GMDS: variants seen among roughly 807,000 people sequenced by gnomAD.
GMDS encodes GDP-mannose 4,6-dehydratase.
GMDS carries 20 observed loss-of-function variants against 49.9 expected under a neutral mutation model. The ratio of observed to expected loss-of-function variants is 0.40; its 90% confidence interval spans 0.28 to 0.58. The LOEUF (loss-of-function observed/expected upper bound fraction) is 0.58, where lower values mean the gene tolerates loss of function less well. Among genes scored for constraint, GMDS ranks in the 20% least tolerant of loss-of-function variants. The pLI is 0.42. For synonymous variants in GMDS, 177 were observed against 178.6 expected (o/e 0.99, Z 0.07); for missense variants, 362 against 481.4 (o/e 0.75, Z 2.32).
At chr6:1,719,360 G>T (rs146635635) in intron 9 of GMDS, among the ~76,000 whole-genome samples, 1 of 152,168 alleles carries the variant, frequency 6.6e-6, no homozygotes, top group South Asian at 2.1e-4. Flanking sequence ...CAGAGCCCAC[G>T]GTAGATGGGC....
intron 4 of GMDS, among the ~76,000 whole-genome samples, chr6:1,981,276 A>G (rs908207592): frequency 6.6e-6 from 1 of 152,096 alleles, no homozygotes; most frequent in African/African-American, 2.4e-5. Flanking sequence ...AATTAATAAA[A>G]TAGACTGCTA....
intron 1 of GMDS, among the ~76,000 whole-genome samples, chr6:2,223,773 T>C (rs1411965525): frequency 6.6e-6 from 1 of 152,158 alleles, no homozygotes; most frequent in Non-Finnish European, 1.5e-5. Context: ...AGGAGATGTC[T>C]ATGAAATACC....
chr6:1,878,052 G>T (rs1347020383), intron 7 of GMDS, among the ~76,000 whole-genome samples: 1 of 152,064 alleles, frequency 6.6e-6, no homozygotes, highest in South Asian at 2.1e-4. Context: ...GGTGGCTCAC[G>T]CCTGTCATCC....
chr6:1,700,572 A>G (rs1187303242), intron 9 of GMDS, among the ~76,000 whole-genome samples: 1 of 152,200 alleles, frequency 6.6e-6, no homozygotes, highest in Non-Finnish European at 1.5e-5. Context: ...GCACGGCCAC[A>G]TTTTAAATTC....
chr6:1,898,272 T>C (rs1438377064), intron 7 of GMDS, among the ~76,000 whole-genome samples: 1 of 152,256 alleles, frequency 6.6e-6, no homozygotes, highest in Non-Finnish European at 1.5e-5. Context: ...TCATAAAACT[T>C]ACTAAATTTT....
At chr6:2,150,079 G>T (rs1363434784) in intron 1 of GMDS, among the ~76,000 whole-genome samples, 1 of 151,988 alleles carries the variant, frequency 6.6e-6, no homozygotes, top group African/African-American at 2.4e-5. Context: ...CAGTTTGTAA[G>T]TATTTTATTA....
chr6:1,672,073 C>A (rs1281910035), intron 9 of GMDS, among the ~76,000 whole-genome samples: 4 of 152,216 alleles, frequency 2.6e-5, no homozygotes, highest in African/African-American at 9.7e-5. Context: ...ACCACCCACA[C>A]TGTCTTATTA....
chr6:2,036,157 C>T (rs995760977), intron 4 of GMDS, among the ~76,000 whole-genome samples: 2 of 152,164 alleles, frequency 1.3e-5, no homozygotes, highest in Non-Finnish European at 2.9e-5. Flanking sequence ...TGAAAATCAA[C>T]TCAACCCTGA....
chr6:2,126,807 T>C (rs1025354117), intron 1 of GMDS, among the ~76,000 whole-genome samples: 4 of 152,144 alleles, frequency 2.6e-5, no homozygotes, highest in African/African-American at 9.7e-5. Flanking sequence ...CTAATATTCA[T>C]ATTTTTAGTA....
intron 4 of GMDS, among the ~76,000 whole-genome samples, chr6:2,053,959 T>C (rs935455862): frequency 7.9e-5 from 12 of 152,128 alleles, no homozygotes; most frequent in African/African-American, 2.9e-4. Context: ...GCAGGTCAAA[T>C]GTTTCAATAT....
intron 7 of GMDS, among the ~76,000 whole-genome samples, chr6:1,907,871 C>G (rs542264666): frequency 6.6e-6 from 1 of 152,140 alleles, no homozygotes; most frequent in Non-Finnish European, 1.5e-5. Context: ...TTCCAAAGTC[C>G]CCGGTGGATA....
intron 4 of GMDS, among the ~76,000 whole-genome samples, chr6:2,087,987 C>T (rs1773108451): frequency 6.6e-6 from 1 of 151,992 alleles, no homozygotes; most frequent in Non-Finnish European, 1.5e-5. Context: ...GAAAGAGAAG[C>T]TTTTGACTTA....
chr6:2,188,300 T>G (rs768153895), intron 1 of GMDS, among the ~76,000 whole-genome samples: 8 of 152,252 alleles, frequency 5.3e-5, no homozygotes, highest in Non-Finnish European at 1.2e-4. Context: ...TTTAGCTTTC[T>G]TATTCAACAC....
chr6:2,212,954 A>C (rs1443945552), intron 1 of GMDS, among the ~76,000 whole-genome samples: 3 of 152,196 alleles, frequency 2.0e-5, no homozygotes, highest in Non-Finnish European at 4.4e-5. Context: ...CTGTATGCCC[A>C]TGGCATTCTT....
chr6:1,964,774 C>T (rs1159258344), intron 4 of GMDS, among the ~76,000 whole-genome samples: 2 of 152,070 alleles, frequency 1.3e-5, no homozygotes, highest in Non-Finnish European at 2.9e-5. Context: ...GTGTGCTGCA[C>T]CCAGTAACTC....
chr6:1,843,590 A>C (rs897244940), intron 7 of GMDS, among the ~76,000 whole-genome samples: 20 of 152,264 alleles, frequency 1.3e-4, no homozygotes, highest in African/African-American at 4.8e-4. Context: ...CAACATGGCG[A>C]AACCTTATCT....
At chr6:2,199,797 TGTC>T (rs1218528278) in intron 1 of GMDS, among the ~76,000 whole-genome samples, 1 of 152,220 alleles carries the variant, frequency 6.6e-6, no homozygotes, top group African/African-American at 2.4e-5. Flanking sequence ...GCAGAACACT[TGTC>T]TGCTTGTTAA....
At chr6:2,199,142 T>C (rs1356107874) in intron 1 of GMDS, among the ~76,000 whole-genome samples, 1 of 152,240 alleles carries the variant, frequency 6.6e-6, no homozygotes, top group Non-Finnish European at 1.5e-5. Context: ...TTATTGGACA[T>C]AATGGTATAA....
At chr6:1,892,321 A>G (rs1056948383) in intron 7 of GMDS, among the ~76,000 whole-genome samples, 28 of 152,126 alleles carry the variant, frequency 1.8e-4, no homozygotes, top group African/African-American at 6.5e-4. Context: ...TTCAGTAACA[A>G]ATCTGTTACC....
Sources: gnomAD v4.1 joint callset for allele counts (sites outside exome capture counted in the v4.1 genomes callset) on GRCh38, gnomAD v4.1.1 for gene constraint, MANE v1.5 for transcripts, NCBI Gene and HGNC (gene_info 2026-07-23, HGNC 2026-07-21) for gene names.